PRIMA1: variants seen among roughly 807,000 people sequenced by gnomAD.
PRIMA1 encodes the protein proline-rich membrane anchor 1.
PRIMA1 carries 7 observed loss-of-function variants against 17.5 expected under a neutral mutation model. The observed-to-expected ratio is 0.40, with a 90% CI of 0.23 to 0.75. The LOEUF (loss-of-function observed/expected upper bound fraction) is 0.75. Among genes scored for constraint, PRIMA1 ranks in the 30% least tolerant of loss-of-function variants. PRIMA1 has a pLI of 0.37. For synonymous variants in PRIMA1, 97 were observed against 77.9 expected, an observed-to-expected ratio of 1.25 and a Z score of -1.29; for missense variants, 200 against 201.8, an observed-to-expected ratio of 0.99 and a Z score of 0.05.
rs1308705065 is a variant in PRIMA1, at chr14:93,721,560, G to A, written c.360-14C>T. 3.2e-6 allele frequency: 5 copies of A among 1,571,142 alleles called. No homozygotes were observed. The highest frequency in any genetic ancestry group is 2.7e-5 in the African/African-American group (2 of 74,130). On this transcript the variant is annotated splice_polypyrimidine_tract_variant and intron_variant, in intron 4 of 4. Coordinates refer to ENST00000393140, the MANE Select transcript of PRIMA1 (RefSeq NM_178013.4). ...CTCAGTGGTTTCCTGGAAGTGGGGG[G>A]AGGGGACAGGAAAGGCAAAGGAGGG...
intron 2 of PRIMA1, among the ~76,000 whole-genome samples, chr14:93,783,255 C>CGG (rs1885432704): frequency 6.6e-6 from 1 of 152,204 alleles, no homozygotes; most frequent in African/African-American, 2.4e-5. Context: ...GCTCCCACTT[C>CGG]GCCCTGGGCA....
chr14:93,752,404 T>G (rs1887194), intron 3 of PRIMA1, among the ~76,000 whole-genome samples: 145,392 of 152,242 alleles, frequency 0.96, 70,036 homozygotes, highest in Non-Finnish European at 0.99. Flanking sequence ...ACATGCCAGG[T>G]CATATTCCAA....
chr14:93,727,562 G>A (rs374319342), intron 4 of PRIMA1, among the ~76,000 whole-genome samples: 1 of 152,062 alleles, frequency 6.6e-6, no homozygotes, highest in East Asian at 1.9e-4. Context: ...CTCACTGGGG[G>A]TCTGGGCACC....
chr14:93,741,112 G>T (rs959202834), intron 3 of PRIMA1, among the ~76,000 whole-genome samples: 3 of 152,226 alleles, frequency 2.0e-5, no homozygotes, highest in African/African-American at 7.2e-5. Context: ...TATGAAATGA[G>T]GGAGGCATTT....
At chr14:93,748,833 T>C (rs1332926723) in intron 3 of PRIMA1, among the ~76,000 whole-genome samples, 1 of 151,978 alleles carries the variant, frequency 6.6e-6, no homozygotes, top group Non-Finnish European at 1.5e-5. Flanking sequence ...TTATTAATAA[T>C]TGTCTCCATC....
chr14:93,739,176 C>T (rs2076169422), intron 3 of PRIMA1, among the ~76,000 whole-genome samples: 1 of 152,140 alleles, frequency 6.6e-6, no homozygotes, highest in Admixed American at 6.5e-5. Context: ...CCTCAGCCTC[C>T]CAAGTAGCTG....
At chr14:93,770,424 C>A (rs1300042848) in intron 3 of PRIMA1, among the ~76,000 whole-genome samples, 1 of 152,216 alleles carries the variant, frequency 6.6e-6, no homozygotes, top group Non-Finnish European at 1.5e-5. Flanking sequence ...AGTCTTCCCT[C>A]GTAGCAGGCA....
chr14:93,788,628 A>G (rs918197070), upstream of PRIMA1: 3 of 152,022 alleles, frequency 2.0e-5, no homozygotes, highest in African/African-American at 7.3e-5. Context: ...GCGCTGGAGC[A>G]AAAGTTTGCG....
At chr14:93,744,931 A>C (rs945948725) in intron 3 of PRIMA1, among the ~76,000 whole-genome samples, 1 of 151,842 alleles carries the variant, frequency 6.6e-6, no homozygotes, top group African/African-American at 2.4e-5. Context: ...AAACTAAGGG[A>C]CACACCCTTC....
intron 2 of PRIMA1, among the ~76,000 whole-genome samples, chr14:93,780,463 C>A (rs1250750387): frequency 6.6e-6 from 1 of 152,196 alleles, no homozygotes; most frequent in Non-Finnish European, 1.5e-5. Context: ...AAAACTGGGC[C>A]ACAATCCACG....
upstream of PRIMA1, among the ~76,000 whole-genome samples, chr14:93,788,766 C>T (rs1020786946): frequency 6.6e-6 from 1 of 151,986 alleles, no homozygotes; most frequent in Non-Finnish European, 1.5e-5. Context: ...ACCCCGCTCC[C>T]AGGGCCAGGG....
chr14:93,780,761 T>G (rs1245695090), intron 2 of PRIMA1, among the ~76,000 whole-genome samples: 1 of 152,240 alleles, frequency 6.6e-6, no homozygotes, highest in Non-Finnish European at 1.5e-5. Context: ...TGACTGCCAG[T>G]GTCCCTCACT....
rs185051381 is a variant in PRIMA1, at chr14:93,727,941, C to G, written c.360-6395G>C. Among the ~76,000 whole-genome samples the G allele has an allele frequency of 2.5e-4, 38 of 152,350 alleles. No individual in the cohort carries two copies. The Middle Eastern group carries it at 0.01, about 41-fold the overall frequency. On this transcript the variant is annotated intron_variant, in intron 4 of 4. Transcript: ENST00000393140. ...CGCCCCACCAGGGCTCCCCTGCATC[C>G]TACGCTGCTCAGCTGTCCTGAGCCA...
intron 4 of PRIMA1, among the ~76,000 whole-genome samples, chr14:93,729,371 C>T (rs1242299874): frequency 5.3e-5 from 8 of 152,114 alleles, no homozygotes; most frequent in African/African-American, 1.4e-4. Context: ...GCTACAGGTA[C>T]GCATGTGAAC....
upstream of PRIMA1, among the ~76,000 whole-genome samples, chr14:93,788,695 G>A (rs1012023648): frequency 2.6e-4 from 39 of 152,064 alleles, 1 homozygote; most frequent in Admixed American, 2.5e-3. Flanking sequence ...GTCCTCGCAC[G>A]GGGCGCAGGG....
At chr14:93,762,606 C>T (rs1470943161) in intron 3 of PRIMA1, among the ~76,000 whole-genome samples, 2 of 152,086 alleles carry the variant, frequency 1.3e-5, no homozygotes, top group African/African-American at 4.8e-5. Flanking sequence ...CACCTGTCCC[C>T]CAAGTCACTG....
At chr14:93,757,240 A>G (rs1366425327) in intron 3 of PRIMA1, among the ~76,000 whole-genome samples, 1 of 152,088 alleles carries the variant, frequency 6.6e-6, no homozygotes, top group Non-Finnish European at 1.5e-5. Context: ...AGAAGGAAGG[A>G]AGGAAGGGAG....
At chr14:93,786,493 A>G (rs1469064180) in intron 2 of PRIMA1, among the ~76,000 whole-genome samples, 2 of 152,158 alleles carry the variant, frequency 1.3e-5, no homozygotes, top group African/African-American at 4.8e-5. Context: ...GGGGCAGCTC[A>G]TGGACCTCGG....
intron 4 of PRIMA1, among the ~76,000 whole-genome samples, chr14:93,724,241 C>G (rs80107845): frequency 2.0e-5 from 3 of 152,180 alleles, no homozygotes; most frequent in Non-Finnish European, 4.4e-5. Flanking sequence ...TCCTCCACCC[C>G]CCTCTTAGAG....
Sources: allele counts gnomAD v4.1 joint callset (sites outside exome capture counted in the v4.1 genomes callset), GRCh38; gene constraint gnomAD v4.1.1; transcripts MANE v1.5; gene names NCBI Gene and HGNC (gene_info 2026-07-23, HGNC 2026-07-21).